Variants in KRT33B observed in about 807,000 individuals in gnomAD.
KRT33B encodes the protein keratin, type I cuticular Ha3-II.
Under a neutral mutation model 42.7 loss-of-function variants are expected in KRT33B, and 37 were observed. That is an observed-to-expected ratio of 0.87 (90% CI 0.67 to 1.14). The LOEUF is 1.14. Among genes scored for constraint, KRT33B ranks in the 50% most tolerant of loss-of-function variants. The probability of loss-of-function intolerance (pLI) is 0.00; values close to 1 mark genes in which losing one functional copy is unlikely to be tolerated. For missense variants in KRT33B, 523 were observed against 515.1 expected (o/e 1.02, Z -0.15); for synonymous variants, 237 against 221.2 (o/e 1.07, Z -0.63).
At chr17:41,367,777 C>A in intron 2 of KRT33B, 131 bp downstream of exon 2, 1 of 742,150 alleles carries the variant, frequency 1.3e-6, no homozygotes, top group Non-Finnish European at 2.3e-6. Flanking sequence ...TGACATTTAA[C>A]CTAATCCTAA....
At chr17:41,364,188 T>C (rs2017663890) in intron 6 of KRT33B, among the ~76,000 whole-genome samples, 1 of 151,278 alleles carries the variant, frequency 6.6e-6, no homozygotes, top group Admixed American at 6.6e-5. Context: ...AGAAAGTCAC[T>C]TCCTCCTTCT....
chr17:41,367,862 C>T (rs761330740), intron 2 of KRT33B, 46 bp downstream of exon 2: 1 of 1,544,224 alleles, frequency 6.5e-7, no homozygotes, highest in South Asian at 1.1e-5. Context: ...CTTTGTAATT[C>T]AGCCTGTCCG....
chr17:41,366,680 C>T (rs984134317), intron 2 of KRT33B, 54 bp from the exon 3 acceptor site: 6 of 1,517,790 alleles, frequency 4.0e-6, no homozygotes, highest in Non-Finnish European at 4.4e-6. Flanking sequence ...GTCTTTGTTT[C>T]CCGGCCTTTA....
intron 2 of KRT33B, 81 bp downstream of exon 2, chr17:41,367,827 A>C: frequency 7.8e-7 from 1 of 1,274,096 alleles, no homozygotes; most frequent in Non-Finnish European, 1.1e-6. Flanking sequence ...TTCTGCTTCC[A>C]CATTCCAGGA....
At position 41,363,789 on chromosome 17, in the gene KRT33B, G is replaced by T; in HGVS notation, c.*47C>A. Reference sequence around the variant, plus strand: ...GTCAGAGAGGCAGAACTGGCCCACCGATGGTAGTTCTGTCTTCATGCTATA... The same window carrying T: ...GTCAGAGAGGCAGAACTGGCCCACCTATGGTAGTTCTGTCTTCATGCTATA... On this transcript the variant is annotated 3_prime_UTR_variant, in exon 7 of 7. Transcript: ENST00000251646. 7.7e-7 allele frequency: 1 copy of T among 1,296,026 alleles called. No individual in the cohort carries two copies. The highest frequency in any genetic ancestry group is 1.1e-6 in the Non-Finnish European group (1 of 907,958). The allele number at this position is 1,296,026 out of a possible 1,614,324, so 80.3% of individuals were successfully genotyped here.
chr17:41,365,043 A>G (rs1567670587), intron 5 of KRT33B, 44 bp from the exon 6 acceptor site: 1 of 1,611,296 alleles, frequency 6.2e-7, no homozygotes, highest in Non-Finnish European at 8.5e-7. Flanking sequence ...TGCTCCTTAT[A>G]GGGTTCCTCC....
At chr17:41,364,683 G>A (rs2017670748) in intron 6 of KRT33B, 96 bp downstream of exon 6, 1 of 1,504,424 alleles carries the variant, frequency 6.6e-7, no homozygotes, top group Non-Finnish European at 9.1e-7. Context: ...TCTACAGACA[G>A]ATTGGCATCT....
intron 6 of KRT33B, 128 bp downstream of exon 6, chr17:41,364,651 G>T (rs1274262418): frequency 1.7e-6 from 2 of 1,188,826 alleles, no homozygotes; most frequent in African/African-American, 3.2e-5. Context: ...ACTTCCCACG[G>T]CTGTAATATA....
chr17:41,368,486 CA>C lies in KRT33B; in HGVS notation c.349-497del, dbSNP rs1472473464. 8.0e-4 allele frequency among the ~76,000 whole-genome samples: 121 copies of C among 151,386 alleles called. 2 individuals carry two copies. The highest frequency in any genetic ancestry group is 4.0e-4 in the Non-Finnish European group (27 of 68,034). ...CCCTTGTGTAACCCACATACTTAAT[CA>C]ATAACACTTCTTATGACCTTTGTGT... On this transcript the variant is annotated intron_variant, in intron 1 of 6. Transcript: ENST00000251646.
chr17:41,368,000 G>C lies in KRT33B; in HGVS notation c.349-10C>G. 1 of 1,612,410 alleles carries C rather than the reference G, an allele frequency of 6.2e-7. No homozygotes were observed. Among genetic ancestry groups the C allele is most frequent in the Non-Finnish European group, 8.5e-7 (1 of 1,179,582 alleles). On this transcript the variant is annotated splice_polypyrimidine_tract_variant and intron_variant, in intron 1 of 6. Coordinates refer to ENST00000251646, the MANE Select transcript of KRT33B (RefSeq NM_002279.5). ...ACTTGCTGCACAGGATCTGGGGATA[G>C]GATTAATCATGAAATGGGTTATACT...
chr17:41,365,942 C>T (rs1272856876), intron 3 of KRT33B, among the ~76,000 whole-genome samples: 5 of 151,326 alleles, frequency 3.3e-5, no homozygotes, highest in South Asian at 2.1e-4. Context: ...ATCATGAAAA[C>T]GTCTAATGTT....
intron 6 of KRT33B, among the ~76,000 whole-genome samples, chr17:41,364,460 T>A (rs746515043): frequency 5.9e-5 from 9 of 151,374 alleles, no homozygotes; most frequent in Non-Finnish European, 1.0e-4. Context: ...TCAGAAAAAG[T>A]GATCATTGTT....
chr17:41,365,642 G>A, intron 3 of KRT33B, 89 bp from the exon 4 acceptor site: 2 of 1,485,246 alleles, frequency 1.3e-6, no homozygotes, highest in South Asian at 1.3e-5. Flanking sequence ...GAAGAGGATT[G>A]CATTGCAGCT....
At chr17:41,365,102 G>A in intron 5 of KRT33B, 73 bp downstream of exon 5, 2 of 1,608,738 alleles carry the variant, frequency 1.2e-6, no homozygotes, top group East Asian at 2.2e-5. Flanking sequence ...AAGAGTGTGT[G>A]GCCCCAAGGG....
chr17:41,367,015 A>C (rs1291347177), intron 2 of KRT33B, among the ~76,000 whole-genome samples: 1 of 151,414 alleles, frequency 6.6e-6, no homozygotes, highest in Non-Finnish European at 1.5e-5. Flanking sequence ...AGAAACACTG[A>C]ATTCAGAGTT....
chr17:41,364,885 C>T lies in KRT33B; in HGVS notation c.991G>A (p.Asp331Asn), dbSNP rs1001513582. The T allele has an allele frequency of 3.7e-6, 6 of 1,613,282 alleles. No homozygotes were observed. The highest frequency in any genetic ancestry group is 5.1e-6 in the Non-Finnish European group (6 of 1,180,036). The part of the protein sequence containing the change: ...VESQLAEIRS[D>N]LERQNQEYQV... ...TACTCCTGGTTCTGCCGCTCCAGGT[C>T]ACTGCGGATCTCCGCCAGCTGGGAC... is the stretch of plus-strand genomic sequence containing the variant. The change falls in exon 6 of 7, where the codon GAC (aspartate) becomes AAC (asparagine). Residue 331 changes from aspartate (D) to asparagine (N), a missense_variant. By Grantham distance (23) the Asp-to-Asn change is conservative. Transcript: ENST00000251646.
chr17:41,365,617 A>G, intron 3 of KRT33B, 64 bp from the exon 4 acceptor site: 2 of 1,551,856 alleles, frequency 1.3e-6, no homozygotes. Context: ...TCTTTGAGGC[A>G]GTTCAATATA....
At chr17:41,364,660 T>C (rs893374019) in intron 6 of KRT33B, 119 bp downstream of exon 6, 30 of 1,307,420 alleles carry the variant, frequency 2.3e-5, no homozygotes, top group African/African-American at 4.6e-5. Flanking sequence ...GGCTGTAATA[T>C]AAAACTCTCG....
chr17:41,364,928 G>T lies in KRT33B; in HGVS notation c.948C>A (p.Ser316Arg), dbSNP rs142638263. Residue 316 changes from serine (S) to arginine (R), a missense_variant, in exon 6 of 7, where the codon AGC becomes AGA. Coordinates refer to ENST00000251646, the MANE Select transcript of KRT33B (RefSeq NM_002279.5). ...GCTGGGACTCCACGTTGGTGATCAGGCTCTGCACCTGGGACAGCTGGGAGC... is the reference window on the plus strand; with the variant it reads ...GCTGGGACTCCACGTTGGTGATCAGTCTCTGCACCTGGGACAGCTGGGAGC... The part of the protein sequence containing the change: ...RYSSQLSQVQ[S>R]LITNVESQLA... The T allele has an allele frequency of 9.8e-4, 1,582 of 1,613,360 alleles. 4 individuals carry two copies. Among genetic ancestry groups the T allele is most frequent in the Non-Finnish European group, 1.0e-3 (1,194 of 1,180,000 alleles).
Sources: gnomAD v4.1 joint callset for allele counts (sites outside exome capture counted in the v4.1 genomes callset) on GRCh38, gnomAD v4.1.1 for gene constraint, MANE v1.5 for transcripts, NCBI Gene and HGNC (gene_info 2026-07-23, HGNC 2026-07-21) for gene names.